The following EEA1 variants were observed in gnomAD, a reference collection of about 807,000 sequenced individuals.
EEA1 encodes early endosome antigen 1, 162kD.
In EEA1, 111 loss-of-function variants were observed where a neutral mutation model predicts 209.2. The observed-to-expected ratio is 0.53, with a 90% CI of 0.45 to 0.62. The LOEUF is 0.62. Among genes scored for constraint, EEA1 ranks in the 20% least tolerant of loss-of-function variants. EEA1 has a pLI of 0.00. For synonymous variants in EEA1, 536 were observed against 540.6 expected, an observed-to-expected ratio of 0.99 and a Z score of 0.12; for missense variants, 1,343 against 1,530.8, an observed-to-expected ratio of 0.88 and a Z score of 2.05.
intron 3 of EEA1, among the ~76,000 whole-genome samples, chr12:92,862,738 A>G (rs1878207112): frequency 6.6e-6 from 1 of 152,240 alleles, no homozygotes; most frequent in Admixed American, 6.5e-5. Flanking sequence ...AAAATGTAAA[A>G]GAATATATGC....
At position 92,774,561 on chromosome 12, in the gene EEA1, T is replaced by C. The variant is rs1273654246; in HGVS notation, c.*1450A>G. 1 of 151,650 alleles carries C rather than the reference T, an allele frequency of 6.6e-6. No individual in the cohort carries two copies. The highest frequency in any genetic ancestry group is 1.5e-5 in the Non-Finnish European group (1 of 67,628). The allele number at this position is 151,650 out of a possible 1,614,324, so 9.4% of individuals were successfully genotyped here. ...TATTAATAACTTCTCTCTTGAGATG[T>C]TTTACAATTTTCCAAATTAATAAGA... On this transcript the variant is annotated 3_prime_UTR_variant, in exon 29 of 29. Transcript: ENST00000322349.
In EEA1 at chr12:92,929,149, A is replaced by G; in HGVS notation, c.-83T>C. On this transcript the variant is annotated 5_prime_UTR_variant, in exon 1 of 29. Transcript: ENST00000322349. ...TCACTACTCGGGGTGCGCGGGCGGG[A>G]GGGACTGGGCCGGGAGGGGACCGGG... is the stretch of plus-strand genomic sequence containing the variant. The G allele has an allele frequency of 9.9e-7, 1 of 1,006,886 alleles. No individual in the cohort carries two copies. 62.4% of individuals were successfully genotyped at this position (1,006,886 alleles called of 1,614,324 possible). A position where few individuals can be genotyped will look rare whatever the true frequency, so the allele number is the denominator to read the frequency against.
intron 9 of EEA1, among the ~76,000 whole-genome samples, chr12:92,844,426 C>T (rs1020519099): frequency 1.3e-5 from 2 of 152,058 alleles, no homozygotes; most frequent in Non-Finnish European, 2.9e-5. Flanking sequence ...ATACACAGTG[C>T]TTCAGTATCA....
At chr12:92,833,092 T>TA (rs982874380) in intron 10 of EEA1, among the ~76,000 whole-genome samples, 33 of 149,372 alleles carry the variant, frequency 2.2e-4, no homozygotes, top group Admixed American at 5.3e-4. Flanking sequence ...AATGTTGACA[T>TA]AAAAAAAAAA....
intron 20 of EEA1, 104 bp downstream of exon 20, chr12:92,801,496 C>A: frequency 3.0e-6 from 2 of 677,532 alleles, no homozygotes; most frequent in Admixed American, 3.8e-5. Context: ...AAAAAATTAT[C>A]TGTGGAAATG....
intron 18 of EEA1, among the ~76,000 whole-genome samples, chr12:92,807,236 G>T (rs1161534280): frequency 6.7e-6 from 1 of 149,836 alleles, no homozygotes; most frequent in Non-Finnish European, 1.5e-5. Flanking sequence ...TTACAGGCAT[G>T]AGCCACAAGG....
intron 1 of EEA1, among the ~76,000 whole-genome samples, chr12:92,903,639 C>T (rs1880246395): frequency 6.6e-6 from 1 of 150,826 alleles, no homozygotes; most frequent in African/African-American, 2.4e-5. Context: ...ATATATGATA[C>T]ATCTATTGTG....
At chr12:92,779,430 CA>C (rs1435377430) in intron 24 of EEA1, 130 bp from the exon 25 acceptor site, 8 of 816,552 alleles carry the variant, frequency 9.8e-6, no homozygotes, top group Non-Finnish European at 1.4e-5. Context: ...TCTTAAAGTT[CA>C]GTATTTTAAA....
intron 12 of EEA1, among the ~76,000 whole-genome samples, chr12:92,827,034 T>C (rs977240643): frequency 1.3e-5 from 2 of 152,304 alleles, no homozygotes; most frequent in South Asian, 2.1e-4. Context: ...AATCTATTGC[T>C]GAAGCTACAG....
chr12:92,854,726 A>G (rs757487192), intron 5 of EEA1, among the ~76,000 whole-genome samples: 11 of 152,196 alleles, frequency 7.2e-5, no homozygotes, highest in Admixed American at 1.3e-4. Flanking sequence ...CTCTAGCAGC[A>G]GGAGATCCCC....
At chr12:92,798,701 T>A (rs1459670843) in intron 21 of EEA1, among the ~76,000 whole-genome samples, 191 bp downstream of exon 21, 3 of 152,108 alleles carry the variant, frequency 2.0e-5, no homozygotes, top group Non-Finnish European at 4.4e-5. Context: ...GACAAGAGAG[T>A]TATAGTGAAT....
chr12:92,883,597 G>A (rs1413529899), intron 2 of EEA1, among the ~76,000 whole-genome samples: 1 of 151,968 alleles, frequency 6.6e-6, no homozygotes, highest in East Asian at 1.9e-4. Context: ...TATGGTGAAA[G>A]GTAGGGAATC....
At chr12:92,805,331 A>C (rs1276444913) in intron 18 of EEA1, among the ~76,000 whole-genome samples, 2 of 152,182 alleles carry the variant, frequency 1.3e-5, no homozygotes, top group Non-Finnish European at 2.9e-5. Flanking sequence ...CTAGATATGA[A>C]AATGAGAATA....
At chr12:92,828,510 T>C (rs1876428113) in intron 11 of EEA1, among the ~76,000 whole-genome samples, 1 of 151,866 alleles carries the variant, frequency 6.6e-6, no homozygotes, top group African/African-American at 2.4e-5. Context: ...CATTTGGGTA[T>C]TGGATAGTGC....
intron 1 of EEA1, among the ~76,000 whole-genome samples, chr12:92,901,710 G>C (rs1880151834): frequency 6.6e-6 from 1 of 151,960 alleles, no homozygotes; most frequent in African/African-American, 2.4e-5. Flanking sequence ...TGGGACTACA[G>C]GTGCACGCCA....
At chr12:92,831,623 A>G (rs1457366155) in intron 11 of EEA1, among the ~76,000 whole-genome samples, 1 of 147,408 alleles carries the variant, frequency 6.8e-6, no homozygotes, top group East Asian at 1.9e-4. Flanking sequence ...TATATAATAT[A>G]TATTTCATAA....
chr12:92,815,398 T>C (rs1181733040), intron 15 of EEA1, among the ~76,000 whole-genome samples: 1 of 152,156 alleles, frequency 6.6e-6, no homozygotes, highest in Non-Finnish European at 1.5e-5. Context: ...ATATTTGACA[T>C]CCACATAACA....
At chr12:92,852,424 ATACAG>A (rs1235853163) in intron 7 of EEA1, 128 bp from the exon 8 acceptor site, 1 of 529,986 alleles carries the variant, frequency 1.9e-6, no homozygotes, top group Non-Finnish European at 3.0e-6. Context: ...CCATAAATAT[ATACAG>A]TAAATTTATA....
At position 92,799,211 on chromosome 12, in the gene EEA1, C is replaced by G. The variant is rs1266934007; in HGVS notation, c.2773-125G>C. ...ATTCAAAAGACAATTTACTGAGTAA[C>G]TACTACACTCCAGGCACTACTCTAG... On this transcript the variant is annotated intron_variant, in intron 20 of 28. Transcript: ENST00000322349. The G allele has an allele frequency of 5.2e-6, 4 of 765,444 alleles. No individual in the cohort carries two copies. The East Asian group carries it at 8.8e-5, about 17-fold the overall frequency. 47.4% of individuals were successfully genotyped at this position (765,444 alleles called of 1,614,324 possible).
Sources: gnomAD v4.1 joint callset for allele counts (sites outside exome capture counted in the v4.1 genomes callset) on GRCh38, gnomAD v4.1.1 for gene constraint, MANE v1.5 for transcripts, NCBI Gene and HGNC (gene_info 2026-07-23, HGNC 2026-07-21) for gene names.